The following NCAM2 variants were observed in gnomAD, a reference collection of about 807,000 sequenced individuals.
The protein encoded by NCAM2 is neural cell adhesion molecule 2.
NCAM2 carries 30 observed loss-of-function variants against 98.1 expected under a neutral mutation model. The ratio of observed to expected loss-of-function variants is 0.31; its 90% CI spans 0.23 to 0.41. NCAM2 has a LOEUF of 0.41. Ranked by LOEUF, NCAM2 falls within the 10% of genes least tolerant of loss-of-function variation. NCAM2 has a pLI of 1.00. For missense variants in NCAM2, 867 were observed against 1,005.8 expected, an observed-to-expected ratio of 0.86 and a Z score of 1.87; for synonymous variants, 368 against 342.4, an observed-to-expected ratio of 1.07 and a Z score of -0.83.
intron 1 of NCAM2, among the ~76,000 whole-genome samples, chr21:21,051,922 G>A (rs981474627): frequency 1.3e-5 from 2 of 152,158 alleles, no homozygotes; most frequent in African/African-American, 4.8e-5. Flanking sequence ...AGTTATTACT[G>A]TTGCTATCAT....
chr21:21,330,039 G>A (rs951000815), intron 6 of NCAM2, among the ~76,000 whole-genome samples: 1 of 151,900 alleles, frequency 6.6e-6, no homozygotes, highest in Admixed American at 6.6e-5. Context: ...TTGTTCTACT[G>A]TCTTTTTTAT....
Position 21,485,577 on chromosome 21 carries a change from A to C in NCAM2, c.2077+8106A>C, listed in dbSNP as rs1319872814. On this transcript the variant is annotated intron_variant, in intron 15 of 17. Transcript: ENST00000400546. ...GGTCTTTGCAAATTTTCATTATGTG[A>C]ATATGCAATTTTCACTTAAGTAATC... 3.3e-5 allele frequency among the ~76,000 whole-genome samples: 5 copies of C among 152,344 alleles called. No homozygotes were observed. The East Asian group carries it at 9.6e-4, about 29-fold the overall frequency.
chr21:21,287,798 C>CA (rs2073152693), intron 4 of NCAM2, among the ~76,000 whole-genome samples: 1 of 151,924 alleles, frequency 6.6e-6, no homozygotes, highest in African/African-American at 2.4e-5. Context: ...AAATGACGTA[C>CA]AGCCAGATTT....
rs13051490 is a variant in NCAM2 at position 21,125,508 on chromosome 21, T to A, written c.55+126890T>A. On this transcript the variant is annotated intron_variant, in intron 1 of 17. Transcript: ENST00000400546. ...TAGATATATATGTAATATGTAATAT[T>A]TTACATATATAATATGTAATATATA... Among the ~76,000 whole-genome samples the A allele has an allele frequency of 9.4e-4, 71 of 75,806 alleles. 4 individuals are homozygous for A. Among genetic ancestry groups the A allele is most frequent in the Admixed American group, 2.5e-3 (13 of 5,106 alleles). 49.7% of individuals were successfully genotyped at this position (75,806 alleles called of 152,430 possible). A position where few individuals can be genotyped will look rare whatever the true frequency, so the allele number is the denominator to read the frequency against.
intron 1 of NCAM2, among the ~76,000 whole-genome samples, chr21:21,156,184 G>T (rs778281296): frequency 6.6e-6 from 1 of 151,960 alleles, no homozygotes; most frequent in Non-Finnish European, 1.5e-5. Context: ...TAGCATGCTT[G>T]TTCTGTAGTA....
chr21:21,328,834 A>G (rs1414313331), intron 6 of NCAM2, among the ~76,000 whole-genome samples: 1 of 152,126 alleles, frequency 6.6e-6, no homozygotes, highest in African/African-American at 2.4e-5. Context: ...AGTACTATAC[A>G]GTAATGTCCC....
chr21:21,305,693 A>G (rs79084045), intron 5 of NCAM2, among the ~76,000 whole-genome samples: 2,609 of 152,144 alleles, frequency 0.017, 73 homozygotes, highest in African/African-American at 0.06. Flanking sequence ...TCAAAGAAAC[A>G]GCTTTTGGTT....
chr21:21,344,034 T>G (rs1294491015), intron 8 of NCAM2, among the ~76,000 whole-genome samples: 1 of 152,102 alleles, frequency 6.6e-6, no homozygotes, highest in African/African-American at 2.4e-5. Flanking sequence ...AAGGAGGACT[T>G]GGATACTAGC....
chr21:21,247,171 T>C (rs1253637336), intron 1 of NCAM2, among the ~76,000 whole-genome samples: 1 of 151,954 alleles, frequency 6.6e-6, no homozygotes, highest in Non-Finnish European at 1.5e-5. Flanking sequence ...TACAAAAATT[T>C]AGCCTGGCGT....
chr21:21,537,984 C>A lies in NCAM2; in HGVS notation c.*27C>A, dbSNP rs1435834674. 8 of 1,312,814 alleles carry A rather than the reference C, an allele frequency of 6.1e-6. No homozygotes were observed. Among genetic ancestry groups the A allele is most frequent in the Non-Finnish European group, 8.4e-6 (8 of 946,898 alleles). The allele number at this position is 1,312,814 out of a possible 1,614,324, so 81.3% of individuals were successfully genotyped here. A position where few individuals can be genotyped will look rare whatever the true frequency, so the allele number is the denominator to read the frequency against. On this transcript the variant is annotated 3_prime_UTR_variant, in exon 18 of 18. Coordinates refer to ENST00000400546, the MANE Select transcript of NCAM2 (RefSeq NM_004540.5). Reference sequence around the variant, plus strand: ...AACAATATTACAGGGGCTTGAACAACACTACGAAGAGTATTTGGATTGCGT... The same window carrying A: ...AACAATATTACAGGGGCTTGAACAAAACTACGAAGAGTATTTGGATTGCGT...
intron 1 of NCAM2, among the ~76,000 whole-genome samples, chr21:21,280,063 T>A (rs1411846355): frequency 6.6e-6 from 1 of 152,184 alleles, no homozygotes; most frequent in Non-Finnish European, 1.5e-5. Flanking sequence ...TTTCTGATCT[T>A]GTGAAAATCA....
intron 11 of NCAM2, among the ~76,000 whole-genome samples, chr21:21,429,592 T>C (rs1292315818): frequency 6.6e-6 from 1 of 152,212 alleles, no homozygotes; most frequent in Non-Finnish European, 1.5e-5. Context: ...ATCAAACTTA[T>C]AAGTAAATTT....
chr21:21,162,522 G>A (rs1355903443), intron 1 of NCAM2, among the ~76,000 whole-genome samples: 2 of 152,046 alleles, frequency 1.3e-5, no homozygotes, highest in East Asian at 3.9e-4. Context: ...ACATATGACT[G>A]TGGGCTGTTA....
At chr21:21,044,965 A>T (rs142428301) in intron 1 of NCAM2, among the ~76,000 whole-genome samples, 1 of 152,282 alleles carries the variant, frequency 6.6e-6, no homozygotes, top group African/African-American at 2.4e-5. Flanking sequence ...CACAGATACA[A>T]ATATATATGT....
intron 5 of NCAM2, among the ~76,000 whole-genome samples, chr21:21,321,890 G>A (rs765480762): frequency 3.3e-5 from 5 of 152,168 alleles, no homozygotes; most frequent in Admixed American, 6.6e-5. Flanking sequence ...TTCAACCATC[G>A]TGGAAAGTAA....
chr21:21,118,122 T>A (rs2066600359), intron 1 of NCAM2, among the ~76,000 whole-genome samples: 1 of 152,192 alleles, frequency 6.6e-6, no homozygotes. Flanking sequence ...CTACCTAGAC[T>A]CTCAGCAACA....
chr21:21,393,586 T>C (rs2076429330), intron 9 of NCAM2, among the ~76,000 whole-genome samples: 1 of 152,142 alleles, frequency 6.6e-6, no homozygotes, highest in East Asian at 1.9e-4. Context: ...TTAATTTTAT[T>C]TGGATATATG....
intron 1 of NCAM2, among the ~76,000 whole-genome samples, chr21:21,192,236 C>G (rs968839055): frequency 6.7e-6 from 1 of 150,098 alleles, no homozygotes; most frequent in Non-Finnish European, 1.5e-5. Context: ...AACAAAAAAA[C>G]AAAAACAAAA....
At chr21:21,395,103 A>G (rs2076473854) in intron 9 of NCAM2, among the ~76,000 whole-genome samples, 3 of 152,162 alleles carry the variant, frequency 2.0e-5, no homozygotes, top group Admixed American at 1.3e-4. Context: ...AGGCCGAGGT[A>G]GGTGGATCAC....
Sources: allele counts gnomAD v4.1 joint callset (sites outside exome capture counted in the v4.1 genomes callset), GRCh38; gene constraint gnomAD v4.1.1; transcripts MANE v1.5; gene names NCBI Gene and HGNC (gene_info 2026-07-23, HGNC 2026-07-21).